The following ITGA9 variants were observed in gnomAD, a reference collection of about 807,000 sequenced individuals.
The protein encoded by ITGA9 is integrin alpha-9.
Under a neutral mutation model 127.8 loss-of-function variants are expected in ITGA9, and 56 were observed. The observed-to-expected ratio is 0.44, with a 90% CI of 0.35 to 0.55. ITGA9 has a LOEUF of 0.55. ITGA9 is among the 20% of genes least tolerant of loss of function. ITGA9 has a pLI of 0.00. For missense variants in ITGA9, 1,196 were observed against 1,347.1 expected (o/e 0.89, Z 1.76); for synonymous variants, 508 against 514.5 (o/e 0.99, Z 0.17).
intron 15 of ITGA9, among the ~76,000 whole-genome samples, chr3:37,595,513 A>T (rs868048971): frequency 2.4e-4 from 37 of 152,386 alleles, no homozygotes; most frequent in African/African-American, 8.7e-4. Context: ...CCGGAACAGC[A>T]TAAACACTGC....
intron 18 of ITGA9, among the ~76,000 whole-genome samples, chr3:37,700,804 C>T (rs1235547843): frequency 6.6e-6 from 1 of 152,156 alleles, no homozygotes; most frequent in Non-Finnish European, 1.5e-5. Context: ...ACTTTATGAG[C>T]ACTCTTTCAA....
chr3:37,797,609 A>C (rs1381447698), intron 26 of ITGA9, among the ~76,000 whole-genome samples: 3 of 152,232 alleles, frequency 2.0e-5, no homozygotes, highest in African/African-American at 7.2e-5. Context: ...AAAATAGTAA[A>C]ACGTAGAAAA....
intron 14 of ITGA9, among the ~76,000 whole-genome samples, chr3:37,534,252 CACTA>C (rs199607377): frequency 0.068 from 8,497 of 125,250 alleles, 283 homozygotes; most frequent in East Asian, 0.2. Context: ...CAAACAAAAA[CACTA>C]ACAGGGACCT....
At chr3:37,601,152 G>A (rs201989195) in intron 15 of ITGA9, among the ~76,000 whole-genome samples, 1 of 152,002 alleles carries the variant, frequency 6.6e-6, no homozygotes, top group African/African-American at 2.4e-5. Context: ...CCTTTCCCTC[G>A]TACCTCCTAG....
intron 16 of ITGA9, among the ~76,000 whole-genome samples, chr3:37,639,060 G>C (rs957977228): frequency 2.0e-5 from 3 of 152,140 alleles, no homozygotes; most frequent in Non-Finnish European, 4.4e-5. Flanking sequence ...CTCTGGGGAC[G>C]GTGGAGCTTG....
At chr3:37,780,826 C>T (rs1696968179) in intron 25 of ITGA9, among the ~76,000 whole-genome samples, 1 of 152,148 alleles carries the variant, frequency 6.6e-6, no homozygotes, top group Non-Finnish European at 1.5e-5. Context: ...GCATCCTCAC[C>T]AACATCTGTT....
chr3:37,453,947 G>A (rs1289967748), intron 1 of ITGA9, among the ~76,000 whole-genome samples: 3 of 152,206 alleles, frequency 2.0e-5, no homozygotes, highest in Non-Finnish European at 1.5e-5. Context: ...GACCGAGTGT[G>A]TCTGTTCTTA....
intron 15 of ITGA9, among the ~76,000 whole-genome samples, chr3:37,605,455 G>A (rs1051559751): frequency 3.3e-5 from 5 of 152,174 alleles, no homozygotes; most frequent in Admixed American, 3.3e-4. Flanking sequence ...AGTCTGAGGT[G>A]CAAGAAATGC....
chr3:37,648,381 T>C (rs1387272633), intron 16 of ITGA9, among the ~76,000 whole-genome samples: 2 of 152,176 alleles, frequency 1.3e-5, no homozygotes, highest in Non-Finnish European at 2.9e-5. Flanking sequence ...CACAACACTT[T>C]GGGAGGCTGA....
At chr3:37,632,383 A>G (rs749793741) in intron 16 of ITGA9, among the ~76,000 whole-genome samples, 6 of 152,204 alleles carry the variant, frequency 3.9e-5, no homozygotes, top group Non-Finnish European at 8.8e-5. Flanking sequence ...AAGTATTAGA[A>G]GACAATGGTA....
chr3:37,778,152 C>A (rs1696930244), intron 24 of ITGA9, among the ~76,000 whole-genome samples: 1 of 152,144 alleles, frequency 6.6e-6, no homozygotes, highest in African/African-American at 2.4e-5. Flanking sequence ...TAATATTTCA[C>A]TTATACGAAG....
intron 17 of ITGA9, among the ~76,000 whole-genome samples, chr3:37,676,198 G>A (rs553352183): frequency 3.3e-5 from 5 of 152,308 alleles, no homozygotes; most frequent in South Asian, 2.1e-4. Context: ...ATTTAATGCA[G>A]TATATCCCAA....
intron 12 of ITGA9, among the ~76,000 whole-genome samples, chr3:37,524,376 A>G (rs1011756634): frequency 6.6e-6 from 1 of 152,254 alleles, no homozygotes; most frequent in African/African-American, 2.4e-5. Flanking sequence ...ATTTCTTTCC[A>G]CTAAAATTTA....
chr3:37,519,317 A>T lies in ITGA9; in HGVS notation c.1199A>T (p.His400Leu). Residue 400 changes from histidine to leucine, a missense_variant, in exon 11 of 28, where the codon CAT becomes CTT. Coordinates refer to ENST00000264741, the MANE Select transcript of ITGA9 (RefSeq NM_002207.3). Reference sequence around the variant, plus strand: ...TTCGCAGGGGCGGTCTATATCTATCATGGTGATGCCGGTGGGATAGTCCCT... The same window carrying T: ...TTCGCAGGGGCGGTCTATATCTATCTTGGTGATGCCGGTGGGATAGTCCCT... ...DDFAGAVYIY[H>L]GDAGGIVPQY... The T allele has an allele frequency of 1.2e-6, 2 of 1,614,152 alleles. No individual in the cohort carries two copies. Among genetic ancestry groups the T allele is most frequent in the Non-Finnish European group, 1.7e-6 (2 of 1,179,992 alleles).
chr3:37,518,093 C>CGTGTGT (rs55842055), intron 10 of ITGA9, among the ~76,000 whole-genome samples: 8,126 of 144,158 alleles, frequency 0.056, 276 homozygotes, highest in East Asian at 0.096. Context: ...AGAGTGTACG[C>CGTGTGT]GTGTGTGTGT....
At chr3:37,650,286 C>T (rs568572361) in intron 16 of ITGA9, among the ~76,000 whole-genome samples, 1 of 152,142 alleles carries the variant, frequency 6.6e-6, no homozygotes, top group Non-Finnish European at 1.5e-5. Context: ...TAGACCCCAC[C>T]TCTCTATGGG....
At chr3:37,797,746 T>C (rs542119766) in intron 26 of ITGA9, among the ~76,000 whole-genome samples, 8 of 152,328 alleles carry the variant, frequency 5.3e-5, no homozygotes, top group African/African-American at 1.9e-4. Flanking sequence ...TATTTTATTT[T>C]TTTGAGACTC....
intron 26 of ITGA9, among the ~76,000 whole-genome samples, chr3:37,797,224 T>C (rs1165014800): frequency 6.6e-6 from 1 of 152,102 alleles, no homozygotes; most frequent in African/African-American, 2.4e-5. Flanking sequence ...CCCAGCTACT[T>C]GGGAGGCTGA....
chr3:37,601,426 C>T (rs1253544223), intron 15 of ITGA9, among the ~76,000 whole-genome samples: 3 of 152,136 alleles, frequency 2.0e-5, no homozygotes, highest in Non-Finnish European at 4.4e-5. Context: ...CTTTGTCTCC[C>T]CAGGTGTTAT....
Sources: gnomAD v4.1 joint callset for allele counts (sites outside exome capture counted in the v4.1 genomes callset) on GRCh38, gnomAD v4.1.1 for gene constraint, MANE v1.5 for transcripts, NCBI Gene and HGNC (gene_info 2026-07-23, HGNC 2026-07-21) for gene names.